Variants in EPHA8 observed in about 807,000 individuals in gnomAD.
EPHA8 encodes the protein ephrin type-A receptor 8.
In EPHA8, 58 loss-of-function variants were observed where a neutral mutation model predicts 103.6. The ratio of observed to expected loss-of-function variants is 0.56; its 90% CI spans 0.45 to 0.70. The LOEUF is 0.70. Ranked by LOEUF, EPHA8 falls within the 30% of genes least tolerant of loss-of-function variation. The pLI is 0.00. For missense variants in EPHA8, 1,304 were observed against 1,395.2 expected (o/e 0.93, Z 1.04); for synonymous variants, 559 against 572.5 (o/e 0.98, Z 0.34).
intron 7 of EPHA8, among the ~76,000 whole-genome samples, chr1:22,594,916 T>A (rs1292454410): frequency 6.6e-6 from 1 of 152,200 alleles, no homozygotes; most frequent in Non-Finnish European, 1.5e-5. Flanking sequence ...ACTGTCAGGA[T>A]AACAGGGAGG....
chr1:22,598,915 A>G lies in EPHA8; in HGVS notation c.2256A>G (p.Ser752=). 1 of 1,608,740 alleles carries G rather than the reference A, an allele frequency of 6.2e-7. No individual in the cohort carries two copies. The highest frequency in any genetic ancestry group is 8.5e-7 in the Non-Finnish European group (1 of 1,178,418). ...RGVGAGMRYL[S]DLGYVHRDLA... ...TGGGTGCCGGCATGCGCTACCTCTC[A>G]GACCTGGGCTATGTCCACCGAGACC... The change falls in exon 13 of 17, where the codon TCA becomes TCG. Residue 752 remains serine, a synonymous_variant. Coordinates refer to ENST00000166244, the MANE Select transcript of EPHA8 (RefSeq NM_020526.5). The surrounding 1 kb of genome is among the most constrained non-coding windows in gnomAD (Gnocchi z 5.1).
At chr1:22,590,783 G>GC (rs1192425734) in intron 5 of EPHA8, among the ~76,000 whole-genome samples, 1 of 151,822 alleles carries the variant, frequency 6.6e-6, no homozygotes. Context: ...CCCCCAACTC[G>GC]CGGTCACCAG....
At chr1:22,581,248 C>T (rs548528152) in intron 3 of EPHA8, among the ~76,000 whole-genome samples, 12 of 152,358 alleles carry the variant, frequency 7.9e-5, no homozygotes, top group Admixed American at 1.3e-4. Context: ...CCCCACTTCC[C>T]TCCTCCCTGG....
In EPHA8 at chr1:22,601,917, G is replaced by A. The variant is rs533509726; in HGVS notation, c.*176G>A. ...TGGAGTTATCAGGGGTCAGGCGCCT[G>A]GGAAGGGGCCTTTGGTGGCCACCCT... is the stretch of plus-strand genomic sequence containing the variant. On this transcript the variant is annotated 3_prime_UTR_variant, in exon 17 of 17. Transcript: ENST00000166244. 3.1e-5 allele frequency: 21 copies of A among 683,418 alleles called. No homozygotes were observed. In the East Asian group the frequency reaches 5.9e-4, roughly 19 times the overall value. The allele number at this position is 683,418 out of a possible 1,614,324, so 42.3% of individuals were successfully genotyped here.
rs1018832641 is a variant in EPHA8, at chr1:22,567,330, C to T, written c.95-1959C>T. ...TGCTGGTCTGGGGGAAACTGCAGTGCGGCCCCCTCCCCCTCCCACCAGCCA... is the reference window on the plus strand; with the variant it reads ...TGCTGGTCTGGGGGAAACTGCAGTGTGGCCCCCTCCCCCTCCCACCAGCCA... On this transcript the variant is annotated intron_variant, in intron 1 of 16. Coordinates refer to ENST00000166244, the MANE Select transcript of EPHA8 (RefSeq NM_020526.5). This position sits in a 1 kb window ranked among gnomAD's most constrained non-coding sequence, Gnocchi z 4.2. Among the ~76,000 whole-genome samples, 8 of 152,124 alleles carry T rather than the reference C, an allele frequency of 5.3e-5. No homozygotes were observed. The highest frequency in any genetic ancestry group is 1.9e-4 in the African/African-American group (8 of 41,430).
chr1:22,576,531 C>T lies in EPHA8; in HGVS notation c.474C>T (p.Asp158=), dbSNP rs1305512765. The change falls in exon 3 of 17, where the codon GAC becomes GAT. Residue 158 remains aspartate, a synonymous_variant. Transcript: ENST00000166244. The surrounding 1 kb of genome is among the most constrained non-coding windows in gnomAD (Gnocchi z 4.8). The stretch of plus-strand genomic sequence containing the variant: ...CCGACGAGAGCTTCACAGGTGCCGA[C>T]CTTGGTGTGCGGCGTCTCAAGCTCA... The part of the protein sequence containing the change: ...IAADESFTGA[D]LGVRRLKLNT... The T allele has an allele frequency of 1.2e-6, 2 of 1,614,062 alleles. No homozygotes were observed. The highest frequency in any genetic ancestry group is 1.3e-5 in the African/African-American group (1 of 74,930).
chr1:22,578,400 G>A (rs890612720), intron 3 of EPHA8, among the ~76,000 whole-genome samples: 1 of 140,654 alleles, frequency 7.1e-6, no homozygotes, highest in Non-Finnish European at 1.5e-5. Flanking sequence ...ATGTCTGCAT[G>A]AGTGTATGCA....
intron 3 of EPHA8, among the ~76,000 whole-genome samples, chr1:22,585,694 G>A (rs1641183650): frequency 6.6e-6 from 1 of 152,208 alleles, no homozygotes; most frequent in African/African-American, 2.4e-5. Context: ...TCTGCAGGCT[G>A]CTGTGGGTGA....
At position 22,589,799 on chromosome 1, in the gene EPHA8, C is replaced by T. The variant is rs369403576; in HGVS notation, c.1315+593C>T. 7.2e-5 allele frequency among the ~76,000 whole-genome samples: 11 copies of T among 152,218 alleles called. No homozygotes were observed. The highest frequency in any genetic ancestry group is 2.1e-4 in the South Asian group (1 of 4,830). On this transcript the variant is annotated intron_variant, in intron 5 of 16. Transcript: ENST00000166244. This position sits in a 1 kb window ranked among gnomAD's most constrained non-coding sequence, Gnocchi z 4.3. ...GAGGACCCTGCCCGTCAAGTGACAG[C>T]GTGACCCAAGAGCCCTCCTAGGGCA...
chr1:22,568,795 T>A (rs1640441991), intron 1 of EPHA8, among the ~76,000 whole-genome samples: 1 of 152,238 alleles, frequency 6.6e-6, no homozygotes, highest in Non-Finnish European at 1.5e-5. Flanking sequence ...AGCATGGACC[T>A]TGAATGCCAT....
Position 22,595,249 on chromosome 1 carries a change from G to T in EPHA8, c.1623G>T (p.Arg541Ser). 6.2e-7 allele frequency: 1 copy of T among 1,613,474 alleles called. No homozygotes were observed. The highest frequency in any genetic ancestry group is 8.5e-7 in the Non-Finnish European group (1 of 1,179,658). The change falls in exon 8 of 17, where the codon AGG becomes AGT. Residue 541 changes from arginine to serine, a missense_variant. Coordinates refer to ENST00000166244, the MANE Select transcript of EPHA8 (RefSeq NM_020526.5). ...CTGCAGGGCCCCGCTATGACACCAG[G>T]ACCATTGTCTGGATCTGCCTGACGC... The part of the protein sequence containing the change: ...TGKPRPRYDT[R>S]TIVWICLTLI...
At chr1:22,565,435 G>T (rs1416729790) in intron 1 of EPHA8, among the ~76,000 whole-genome samples, 1 of 152,166 alleles carries the variant, frequency 6.6e-6, no homozygotes, top group African/African-American at 2.4e-5. Context: ...GGGCAAGATT[G>T]GAATCTAAGA....
intron 4 of EPHA8, among the ~76,000 whole-genome samples, chr1:22,588,161 A>T (rs1339799033): frequency 6.6e-6 from 1 of 152,226 alleles, no homozygotes; most frequent in Non-Finnish European, 1.5e-5. Flanking sequence ...TTTTCTGAAG[A>T]TTTAAGATTC....
In EPHA8 at chr1:22,567,642, G is replaced by C. The variant is rs1640406203; in HGVS notation, c.95-1647G>C. Among the ~76,000 whole-genome samples, 1 of 152,150 alleles carries C rather than the reference G, an allele frequency of 6.6e-6. No homozygotes were observed. The highest frequency in any genetic ancestry group is 2.4e-5 in the African/African-American group (1 of 41,430). Reference sequence around the variant, plus strand: ...GTGGGGTGGGGAGGGTGAGAGGCAGGAGAAAATCAGCAAATAAGAGCATCC... The same window carrying C: ...GTGGGGTGGGGAGGGTGAGAGGCAGCAGAAAATCAGCAAATAAGAGCATCC... On this transcript the variant is annotated intron_variant, in intron 1 of 16. Coordinates refer to ENST00000166244, the MANE Select transcript of EPHA8 (RefSeq NM_020526.5). This position sits in a 1 kb window ranked among gnomAD's most constrained non-coding sequence, Gnocchi z 4.2.
chr1:22,584,148 C>T (rs1335810315), intron 3 of EPHA8, among the ~76,000 whole-genome samples: 3 of 152,220 alleles, frequency 2.0e-5, no homozygotes, highest in African/African-American at 4.8e-5. Context: ...ATGCAAAGCC[C>T]TTTTCTGATG....
intron 3 of EPHA8, among the ~76,000 whole-genome samples, chr1:22,582,983 G>T (rs1008159575): frequency 6.6e-6 from 1 of 152,266 alleles, no homozygotes; most frequent in African/African-American, 2.4e-5. Context: ...ATCTGATTTA[G>T]AATTAATTTC....
intron 5 of EPHA8, among the ~76,000 whole-genome samples, chr1:22,590,856 A>C (rs1390029310): frequency 6.6e-6 from 1 of 152,116 alleles, no homozygotes; most frequent in East Asian, 1.9e-4. Flanking sequence ...TGTGAAAAAC[A>C]AACAACCCTG....
chr1:22,600,533 C>A, intron 13 of EPHA8, 128 bp from the exon 14 acceptor site: 1 of 1,270,834 alleles, frequency 7.9e-7, no homozygotes, highest in Non-Finnish European at 1.1e-6. Context: ...TGCTCTGGGA[C>A]GGTGGGGGCT....
chr1:22,573,854 A>G (rs1352766179), intron 2 of EPHA8, among the ~76,000 whole-genome samples: 3 of 152,232 alleles, frequency 2.0e-5, no homozygotes, highest in Non-Finnish European at 4.4e-5. Flanking sequence ...GGTAAACTAC[A>G]GATGCCCACA....
Sources: allele counts gnomAD v4.1 joint callset (sites outside exome capture counted in the v4.1 genomes callset), GRCh38; gene constraint gnomAD v4.1.1; non-coding constraint Gnocchi (gnomAD v3.1); transcripts MANE v1.5; gene names NCBI Gene and HGNC (gene_info 2026-07-23, HGNC 2026-07-21).